Variants in HOXA6 observed in about 807,000 individuals in gnomAD.
The protein encoded by HOXA6 is homeobox protein Hox-A6.
In HOXA6, 19 loss-of-function variants were observed where a neutral mutation model predicts 23.2. The observed-to-expected ratio is 0.82, with a 90% confidence interval of 0.57 to 1.20. The LOEUF (loss-of-function observed/expected upper bound fraction) is 1.20, where lower values mean the gene tolerates loss of function less well. HOXA6 is among the 50% of genes most tolerant of loss of function. HOXA6 has a pLI of 0.00. For synonymous variants in HOXA6, 140 were observed against 132.6 expected, an observed-to-expected ratio of 1.06 and a Z score of -0.38; for missense variants, 346 against 313.6, an observed-to-expected ratio of 1.10 and a Z score of -0.78.
At position 27,147,649 on chromosome 7, in the gene HOXA6, G is replaced by C. The variant is rs376057404; in HGVS notation, c.101C>G (p.Ala34Gly). 59 of 1,614,088 alleles carry C rather than the reference G, an allele frequency of 3.7e-5. No individual in the cohort carries two copies. Among genetic ancestry groups the C allele is most frequent in the Non-Finnish European group, 4.6e-5 (54 of 1,180,040 alleles). ...GTACGAGGCCGGGAAGGGCCTCAGC[G>C]CGTCATAGCCAGCCTGGTAGAGGGG... ...QLPLYQAGYD[A>G]LRPFPASYGA... Residue 34 changes from alanine (A) to glycine (G), a missense_variant, in exon 1 of 2, where the codon GCG becomes GGG. Physicochemically the swap from Ala to Gly is moderately conservative, Grantham distance 60. Transcript: ENST00000222728.
chr7:27,146,977 A>G (rs11983200), intron 1 of HOXA6, among the ~76,000 whole-genome samples: 21,094 of 152,016 alleles, frequency 0.14, 1,716 homozygotes, highest in African/African-American at 0.21. Context: ...TGAGCAGGGT[A>G]CTCAGGGTGC....
chr7:27,147,339 G>A lies in HOXA6; in HGVS notation c.411C>T (p.Tyr137=), dbSNP rs780288237. 5 of 1,614,110 alleles carry A rather than the reference G, an allele frequency of 3.1e-6. No homozygotes were observed. Among genetic ancestry groups the A allele is most frequent in the Non-Finnish European group, 4.2e-6 (5 of 1,180,018 alleles). The change falls in exon 1 of 2, where the codon TAC becomes TAT. Residue 137 remains tyrosine, a synonymous_variant. Coordinates refer to ENST00000222728, the MANE Select transcript of HOXA6 (RefSeq NM_024014.4). ...AGGAGTTCATCCGCTGCATCCAAGG[G>A]TAAACCGGGCTCGTGTACTTCCGGT... is the stretch of plus-strand genomic sequence containing the variant. ...GADRKYTSPV[Y]PWMQRMNSCA... is the part of the protein sequence containing the mutation.
intron 1 of HOXA6, 53 bp downstream of exon 1, chr7:27,147,255 T>G: frequency 6.7e-7 from 1 of 1,498,000 alleles, no homozygotes; most frequent in Non-Finnish European, 9.1e-7. Flanking sequence ...CTTCTTTCTT[T>G]CTTTTCCTGC....
In HOXA6 at chr7:27,145,692, C is replaced by G. The variant is rs918176154; in HGVS notation, c.668G>C (p.Ser223Thr). The G allele has an allele frequency of 6.2e-7, 1 of 1,614,056 alleles. No homozygotes were observed. The highest frequency in any genetic ancestry group is 8.5e-7 in the Non-Finnish European group (1 of 1,180,038). Residue 223 changes from serine to threonine, a missense_variant, in exon 2 of 2, where the codon AGC becomes ACC. Ser to Thr is a moderately conservative substitution (Grantham distance 58, BLOSUM62 1). Coordinates refer to ENST00000222728, the MANE Select transcript of HOXA6 (RefSeq NM_024014.4). ...CGCCTTTGCCTCTGAGTCCTCCCCG[C>G]TGGGCTGCGTGGAATTGATGAGCTT... ...ENKLINSTQP[S>T]GEDSEAKAGE is the part of the protein sequence containing the mutation.
intron 1 of HOXA6, among the ~76,000 whole-genome samples, chr7:27,146,754 G>T (rs1471423068): frequency 9.9e-5 from 15 of 152,136 alleles, no homozygotes. Flanking sequence ...GCTAAGAGTG[G>T]GCAGTTGAGT....
Position 27,147,407 on chromosome 7 carries a change from T to C in HOXA6, c.343A>G (p.Ser115Gly), listed in dbSNP as rs1218985267. ...AGTGCTTTGCCCTGCCCGCTGCTGC[T>C]GTCGGGTTTGTACTGCTGCTCGGGA... ...FSPEQQYKPD[S>G]SSGQGKALHD... Residue 115 changes from serine (S) to glycine (G), a missense_variant, in exon 1 of 2, where the codon AGC (serine) becomes GGC (glycine). Transcript: ENST00000222728. The C allele has an allele frequency of 6.2e-7, 1 of 1,614,122 alleles. No homozygotes were observed. Among genetic ancestry groups the C allele is most frequent in the African/African-American group, 1.3e-5 (1 of 74,942 alleles).
At chr7:27,146,216 G>T (rs887816863) in intron 1 of HOXA6, among the ~76,000 whole-genome samples, 6 of 150,946 alleles carry the variant, frequency 4.0e-5, no homozygotes, top group Non-Finnish European at 8.8e-5. Flanking sequence ...TGCCCAGGTC[G>T]TGTTTTTGTG....
intron 1 of HOXA6, chr7:27,147,098 T>G (rs1216217073): frequency 6.7e-6 from 4 of 600,698 alleles, no homozygotes; most frequent in Non-Finnish European, 8.8e-6. Flanking sequence ...TCAGCTTACA[T>G]GGACACTGGG....
chr7:27,147,242 C>T, intron 1 of HOXA6, 66 bp downstream of exon 1: 1 of 1,411,002 alleles, frequency 7.1e-7, no homozygotes, highest in Non-Finnish European at 9.7e-7. Context: ...ACTCTGTTTC[C>T]TCCTTCTTTC....
In HOXA6 at chr7:27,146,251, T is replaced by TTTG. The variant is rs1782763449; in HGVS notation, c.443-335_443-334insCAA. Among the ~76,000 whole-genome samples the TTTG allele has an allele frequency of 1.0e-4, 15 of 149,112 alleles. No homozygotes were observed. In the East Asian group the frequency reaches 2.6e-3, roughly 26 times the overall value. ...GGGGATGCAGGGTGTGTGTGTGTGTTTGTGTGTGTGTGTGTGTGTGTGTCT... is the reference window on the plus strand; with the variant it reads ...GGGGATGCAGGGTGTGTGTGTGTGTTTTGTGTGTGTGTGTGTGTGTGTGTGTCT... On this transcript the variant is annotated intron_variant, in intron 1 of 1. Coordinates refer to ENST00000222728, the MANE Select transcript of HOXA6 (RefSeq NM_024014.4).
intron 1 of HOXA6, chr7:27,147,097 A>G (rs1361283554): frequency 6.7e-6 from 4 of 600,110 alleles, no homozygotes; most frequent in African/African-American, 1.9e-5. Flanking sequence ...GTCAGCTTAC[A>G]TGGACACTGG....
chr7:27,146,518 C>A (rs954472345), intron 1 of HOXA6, among the ~76,000 whole-genome samples: 11 of 152,298 alleles, frequency 7.2e-5, no homozygotes, highest in Non-Finnish European at 2.9e-5. Context: ...TAACAATCCG[C>A]ATTAGGCTCT....
rs1432586796 is a variant in HOXA6, at chr7:27,147,306, AC to A, written c.442+1del. 3 of 1,611,396 alleles carry A rather than the reference AC, an allele frequency of 1.9e-6. No homozygotes were observed. Among genetic ancestry groups the A allele is most frequent in the African/African-American group, 1.3e-5 (1 of 74,494 alleles). On this transcript the variant is annotated splice_donor_variant, in intron 1 of 1. Transcript: ENST00000222728. LOFTEE classifies it high-confidence loss of function. ...CCTCCACTGTCTTGGGATATGTCTTACCCGCGCAGGAGTTCATCCGCTGCAT... is the reference window on the plus strand; with the variant it reads ...CCTCCACTGTCTTGGGATATGTCTTACCGCGCAGGAGTTCATCCGCTGCAT...
chr7:27,147,632 C>A lies in HOXA6; in HGVS notation c.118G>T (p.Ala40Ser). The A allele has an allele frequency of 6.2e-7, 1 of 1,614,232 alleles. No homozygotes were observed. Residue 40 changes from alanine to serine, a missense_variant, in exon 1 of 2, where the codon GCC becomes TCC. Ala to Ser is a moderately conservative substitution (Grantham distance 99). Transcript: ENST00000222728. ...AGYDALRPFP[A>S]SYGASSLPDK... Reference sequence around the variant, plus strand: ...GGGAGACTCGACGCCCCGTACGAGGCCGGGAAGGGCCTCAGCGCGTCATAG... The same window carrying A: ...GGGAGACTCGACGCCCCGTACGAGGACGGGAAGGGCCTCAGCGCGTCATAG...
chr7:27,147,540 C>T lies in HOXA6; in HGVS notation c.210G>A (p.Ala70=), dbSNP rs1466811991. 2.5e-6 allele frequency: 4 copies of T among 1,614,132 alleles called. No individual in the cohort carries two copies. The highest frequency in any genetic ancestry group is 3.4e-6 in the Non-Finnish European group (4 of 1,179,970). Residue 70 remains alanine (A), a synonymous_variant, in exon 1 of 2, where the codon GCG becomes GCA. Transcript: ENST00000222728. The stretch of plus-strand genomic sequence containing the variant: ...AACACGAGGCCCCGTACTCGTAGGA[C>T]GCCCGGTTGCAGGCCAGGACCGAGT... The part of the protein sequence containing the change: ...QSNSVLACNR[A]SYEYGASCFY...
In HOXA6 at chr7:27,145,596, G is replaced by T; in HGVS notation, c.*62C>A. ...GGCGGGGAGAAAAGTTGGGGAACAGGCGAGGGCAAGGGGGCAAAGCCGAAG... is the reference window on the plus strand; with the variant it reads ...GGCGGGGAGAAAAGTTGGGGAACAGTCGAGGGCAAGGGGGCAAAGCCGAAG... On this transcript the variant is annotated 3_prime_UTR_variant, in exon 2 of 2. Transcript: ENST00000222728. The T allele has an allele frequency of 6.4e-7, 1 of 1,561,582 alleles. No individual in the cohort carries two copies. Among genetic ancestry groups the T allele is most frequent in the African/African-American group, 1.4e-5 (1 of 74,014 alleles).
At chr7:27,147,193 T>C in intron 1 of HOXA6, 115 bp downstream of exon 1, 1 of 1,084,884 alleles carries the variant, frequency 9.2e-7, no homozygotes, top group Admixed American at 2.6e-5. Flanking sequence ...GAAACTTTGC[T>C]GGTTCTTTCA....
chr7:27,147,410 C>T lies in HOXA6; in HGVS notation c.340G>A (p.Asp114Asn), dbSNP rs62454418. Residue 114 changes from aspartate to asparagine, a missense_variant, in exon 1 of 2, where the codon GAC becomes AAC. Physicochemically the swap from Asp to Asn is conservative, Grantham distance 23. Transcript: ENST00000222728. Reference protein sequence around the residue: ...HFSPEQQYKPDSSSGQGKALH... With the variant: ...HFSPEQQYKPNSSSGQGKALH... ...GCTTTGCCCTGCCCGCTGCTGCTGTCGGGTTTGTACTGCTGCTCGGGAGAA... is the reference window on the plus strand; with the variant it reads ...GCTTTGCCCTGCCCGCTGCTGCTGTTGGGTTTGTACTGCTGCTCGGGAGAA... 12 of 1,614,206 alleles carry T rather than the reference C, an allele frequency of 7.4e-6. No individual in the cohort carries two copies. In the African/African-American group the frequency reaches 1.3e-4, roughly 18 times the overall value.
Position 27,147,595 on chromosome 7 carries a change from T to A in HOXA6, c.155A>T (p.Tyr52Phe), listed in dbSNP as rs1381971850. 6.2e-7 allele frequency: 1 copy of A among 1,614,210 alleles called. No individual in the cohort carries two copies. The highest frequency in any genetic ancestry group is 8.5e-7 in the Non-Finnish European group (1 of 1,180,040). ...CTGTTGGTAGAAACAAGGTGAGGTG[T>A]ACGTCTTGTCCGGGAGACTCGACGC... ...YGASSLPDKT[Y>F]TSPCFYQQSN... Residue 52 changes from tyrosine (Y) to phenylalanine (F), a missense_variant, in exon 1 of 2, where the codon TAC (tyrosine) becomes TTC (phenylalanine). Tyr to Phe is a conservative substitution (Grantham distance 22, BLOSUM62 3). Transcript: ENST00000222728.
Sources: allele counts gnomAD v4.1 joint callset (sites outside exome capture counted in the v4.1 genomes callset), GRCh38; gene constraint gnomAD v4.1.1; transcripts MANE v1.5; gene names NCBI Gene and HGNC (gene_info 2026-07-23, HGNC 2026-07-21).